The following SLC4A8 variants were observed in gnomAD, a reference collection of about 807,000 sequenced individuals.
The protein encoded by SLC4A8 is electroneutral sodium bicarbonate exchanger 1.
SLC4A8 carries 40 observed loss-of-function variants against 125.0 expected under a neutral mutation model. The ratio of observed to expected loss-of-function variants is 0.32; its 90% CI spans 0.25 to 0.42. SLC4A8 has a LOEUF of 0.42. Among genes scored for constraint, SLC4A8 ranks in the 10% least tolerant of loss-of-function variants. The pLI is 1.00. For missense variants in SLC4A8, 863 were observed against 1,355.1 expected (o/e 0.64, Z 5.70); for synonymous variants, 456 against 476.0 (o/e 0.96, Z 0.55).
intron 4 of SLC4A8, 56 bp downstream of exon 4, chr12:51,452,315 C>G: frequency 1.3e-6 from 2 of 1,592,778 alleles, no homozygotes; most frequent in East Asian, 2.2e-5. Context: ...AGTGTGTACC[C>G]TTCAGCAAGT....
intron 1 of SLC4A8, among the ~76,000 whole-genome samples, chr12:51,394,464 T>G (rs1298213171): frequency 6.6e-6 from 1 of 152,226 alleles, no homozygotes; most frequent in African/African-American, 2.4e-5. Flanking sequence ...GGTTTGCAGA[T>G]GAGCCACCAC....
chr12:51,408,624 C>T (rs966584123), intron 1 of SLC4A8, among the ~76,000 whole-genome samples: 1 of 152,140 alleles, frequency 6.6e-6, no homozygotes, highest in Non-Finnish European at 1.5e-5. Context: ...TGCTCAGGGG[C>T]GACAGCGCAG....
chr12:51,510,086 A>G lies in SLC4A8; in HGVS notation c.*2648A>G, dbSNP rs1433604293. On this transcript the variant is annotated 3_prime_UTR_variant, in exon 25 of 25. Transcript: ENST00000453097. ...GGTTCCAGCAGCCTGCACAGCTGGT[A>G]CGAGGACAGCTGGAGGAGGGTCTGA... is the stretch of plus-strand genomic sequence containing the variant. 2 of 152,270 alleles carry G rather than the reference A, an allele frequency of 1.3e-5. No homozygotes were observed. Among genetic ancestry groups the G allele is most frequent in the South Asian group, 2.1e-4 (1 of 4,826 alleles). 9.4% of individuals were successfully genotyped at this position (152,270 alleles called of 1,614,324 possible). A position where few individuals can be genotyped will look rare whatever the true frequency, so the allele number is the denominator to read the frequency against.
chr12:51,408,823 C>G (rs1056519636), intron 1 of SLC4A8, among the ~76,000 whole-genome samples: 1 of 152,036 alleles, frequency 6.6e-6, no homozygotes, highest in Non-Finnish European at 1.5e-5. Context: ...AGGAAACTGC[C>G]AGTGTGATGC....
At chr12:51,503,899 GA>G (rs1938048637) in intron 22 of SLC4A8, 129 bp from the exon 23 acceptor site, 7 of 582,044 alleles carry the variant, frequency 1.2e-5, no homozygotes, top group African/African-American at 1.9e-5. Flanking sequence ...TCAAGTCTAT[GA>G]AAGAACCTAA....
intron 11 of SLC4A8, among the ~76,000 whole-genome samples, chr12:51,467,087 CTA>C (rs1033573714): frequency 3.3e-5 from 5 of 152,040 alleles, no homozygotes; most frequent in African/African-American, 1.2e-4. Flanking sequence ...TAATAAGATG[CTA>C]TGTTAGCTAA....
chr12:51,485,769 ACTT>A lies in SLC4A8; in HGVS notation c.2173-14_2173-12del, dbSNP rs765595195. On this transcript the variant is annotated splice_polypyrimidine_tract_variant and intron_variant, in intron 16 of 24. Transcript: ENST00000453097. ...ATTTAACCTGCCAAAACATGTGTCC[ACTT>A]CTTTCTCATGCCAGGTACGCTCCAT... 6.9e-7 allele frequency: 1 copy of A among 1,441,410 alleles called. No individual in the cohort carries two copies. Among genetic ancestry groups the A allele is most frequent in the African/African-American group, 1.4e-5 (1 of 71,524 alleles). The allele number at this position is 1,441,410 out of a possible 1,614,324, so 89.3% of individuals were successfully genotyped here.
At chr12:51,405,361 C>T (rs2137948577) in intron 1 of SLC4A8, among the ~76,000 whole-genome samples, 1 of 152,278 alleles carries the variant, frequency 6.6e-6, no homozygotes, top group South Asian at 2.1e-4. Flanking sequence ...TACCTCATTC[C>T]CTCTGAGCAC....
intron 1 of SLC4A8, among the ~76,000 whole-genome samples, chr12:51,426,090 T>C (rs964120910): frequency 6.6e-6 from 1 of 152,140 alleles, no homozygotes; most frequent in African/African-American, 2.4e-5. Flanking sequence ...TGACACGTCT[T>C]GGAAACAAGT....
At chr12:51,428,903 T>G (rs1049981824) in intron 1 of SLC4A8, among the ~76,000 whole-genome samples, 5 of 152,106 alleles carry the variant, frequency 3.3e-5, no homozygotes, top group African/African-American at 1.2e-4. Flanking sequence ...ATTCTTTTAT[T>G]TTTATTTTTA....
At position 51,488,725 on chromosome 12, in the gene SLC4A8, T is replaced by C; in HGVS notation, c.2313T>C (p.Ile771=). Residue 771 remains isoleucine (I), a synonymous_variant, in exon 18 of 25, where the codon ATT becomes ATC. Transcript: ENST00000453097. ...CAACAAGGGATGATCGCGGATGGATTATTAATCCCATTGGCCCCAATCCCT... is the reference window on the plus strand; with the variant it reads ...CAACAAGGGATGATCGCGGATGGATCATTAATCCCATTGGCCCCAATCCCT... ...FKPTRDDRGW[I]INPIGPNPWW... is the part of the protein sequence containing the mutation. The C allele has an allele frequency of 6.2e-7, 1 of 1,613,982 alleles. No homozygotes were observed. The highest frequency in any genetic ancestry group is 1.1e-5 in the South Asian group (1 of 91,072).
chr12:51,468,578 T>A (rs1950593897), intron 11 of SLC4A8, among the ~76,000 whole-genome samples: 1 of 152,040 alleles, frequency 6.6e-6, no homozygotes. Flanking sequence ...GCTAACACGG[T>A]GAAACCCCGA....
At chr12:51,394,746 T>C (rs1005003880) in intron 1 of SLC4A8, among the ~76,000 whole-genome samples, 1 of 152,214 alleles carries the variant, frequency 6.6e-6, no homozygotes, top group African/African-American at 2.4e-5. Flanking sequence ...ATTATGCTTA[T>C]TACCTGGATG....
At position 51,498,674 on chromosome 12, in the gene SLC4A8, A is replaced by G. The variant is rs1314566765; in HGVS notation, c.3081+1550A>G. Among the ~76,000 whole-genome samples, 5 of 120,730 alleles carry G rather than the reference A, an allele frequency of 4.1e-5. No homozygotes were observed. The Admixed American group carries it at 4.3e-4, about 10-fold the overall frequency. The allele number at this position is 120,730 out of a possible 152,430, so 79.2% of individuals were successfully genotyped here. A position where few individuals can be genotyped will look rare whatever the true frequency, so the allele number is the denominator to read the frequency against. ...GGTGGTTGGATCACCTGAGGTCAGG[A>G]ATTTGGGACCAGCCGGGCCAACATG... On this transcript the variant is annotated intron_variant, in intron 22 of 24. Transcript: ENST00000453097.
chr12:51,459,340 G>T (rs548928344), intron 7 of SLC4A8, among the ~76,000 whole-genome samples: 1 of 152,188 alleles, frequency 6.6e-6, no homozygotes, highest in Non-Finnish European at 1.5e-5. Flanking sequence ...GAAGCTTGGG[G>T]GAATGGGATT....
chr12:51,426,874 G>A (rs1041728589), intron 1 of SLC4A8, among the ~76,000 whole-genome samples: 2 of 151,936 alleles, frequency 1.3e-5, no homozygotes, highest in East Asian at 1.9e-4. Context: ...TCTCCTAACC[G>A]GGAGAGAGAG....
chr12:51,414,647 A>G (rs1323893975), intron 1 of SLC4A8, among the ~76,000 whole-genome samples: 1 of 152,184 alleles, frequency 6.6e-6, no homozygotes, highest in Non-Finnish European at 1.5e-5. Flanking sequence ...GGTTGCAATG[A>G]GTTGTGATTG....
intron 22 of SLC4A8, among the ~76,000 whole-genome samples, chr12:51,500,860 TTTTC>T (rs1555199909): frequency 1.3e-5 from 2 of 151,046 alleles, no homozygotes; most frequent in Non-Finnish European, 3.0e-5. Flanking sequence ...CTTTTTTTTT[TTTTC>T]TTTCTTTCTT....
rs781487112 is a variant in SLC4A8 at position 51,461,190 on chromosome 12, G to A, written c.1014-14G>A. 84 of 1,493,886 alleles carry A rather than the reference G, an allele frequency of 5.6e-5. 3 individuals are homozygous for A. In the South Asian group the frequency reaches 9.3e-4, roughly 17 times the overall value. 92.5% of individuals were successfully genotyped at this position (1,493,886 alleles called of 1,614,324 possible). A position where few individuals can be genotyped will look rare whatever the true frequency, so the allele number is the denominator to read the frequency against. On this transcript the variant is annotated splice_polypyrimidine_tract_variant and intron_variant, in intron 8 of 24. Transcript: ENST00000453097. ...ATTTACTTACATAATTTCCTCCTCT[G>A]TGTGTTTTGCCAGATTTTTGTTTAT...
Sources: allele counts gnomAD v4.1 joint callset (sites outside exome capture counted in the v4.1 genomes callset), GRCh38; gene constraint gnomAD v4.1.1; transcripts MANE v1.5; gene names NCBI Gene and HGNC (gene_info 2026-07-23, HGNC 2026-07-21).